Variants in ADGRV1 observed in about 807,000 individuals in gnomAD.
The protein encoded by ADGRV1 is G-protein coupled receptor 98.
A neutral mutation model predicts 596.2 loss-of-function variants in ADGRV1; 359 were observed. The observed-to-expected ratio is 0.60, with a 90% CI of 0.55 to 0.66. The LOEUF is 0.66. Ranked by LOEUF, ADGRV1 falls within the 30% of genes least tolerant of loss-of-function variation. The pLI, the probability that ADGRV1 is intolerant of heterozygous loss-of-function variation, is 0.00. For synonymous variants in ADGRV1, 2,681 were observed against 2,679.2 expected (o/e 1.00, Z -0.02); for missense variants, 7,274 against 7,575.6 (o/e 0.96, Z 1.48).
rs746817962 is a variant in ADGRV1 at position 90,725,599 on chromosome 5, A to G, written c.10104A>G (p.Ser3368=). The G allele has an allele frequency of 6.3e-7, 1 of 1,590,746 alleles. No individual in the cohort carries two copies. The highest frequency in any genetic ancestry group is 8.6e-7 in the Non-Finnish European group (1 of 1,159,286). The change falls in exon 48 of 90, where the codon TCA becomes TCG. Residue 3368 remains serine, a synonymous_variant. Coordinates refer to ENST00000405460, the MANE Select transcript of ADGRV1 (RefSeq NM_032119.4). The part of the protein sequence containing the change: ...LESSQVRYFT[S]DSQDYLIIAS... ...GTTCTCAAGTAAGATATTTTACTTC[A>G]GACAGCCAAGATTATTTAATCATTG...
chr5:90,916,078 A>AG (rs1280207773), intron 83 of ADGRV1, among the ~76,000 whole-genome samples: 1 of 152,086 alleles, frequency 6.6e-6, no homozygotes, highest in Non-Finnish European at 1.5e-5. Context: ...AGAGATAGGA[A>AG]GGAGGGGATA....
chr5:90,994,591 T>C (rs1206601315), intron 85 of ADGRV1, among the ~76,000 whole-genome samples: 1 of 152,248 alleles, frequency 6.6e-6, no homozygotes, highest in Admixed American at 6.5e-5. Flanking sequence ...TATTTTCTTG[T>C]GTATACATCA....
chr5:90,712,220 C>T (rs1279184350), intron 41 of ADGRV1, 67 bp from the exon 42 acceptor site: 3 of 894,426 alleles, frequency 3.4e-6, no homozygotes, highest in East Asian at 2.9e-5. Flanking sequence ...TATTTCTTTC[C>T]AAACATTCTA....
intron 83 of ADGRV1, among the ~76,000 whole-genome samples, chr5:90,932,352 A>G (rs1007775813): frequency 3.9e-5 from 6 of 152,134 alleles, no homozygotes; most frequent in African/African-American, 1.4e-4. Flanking sequence ...ACTTTCCCCA[A>G]TAAAAACCTG....
chr5:90,577,774 G>A (rs577894283), intron 1 of ADGRV1, among the ~76,000 whole-genome samples: 2 of 152,260 alleles, frequency 1.3e-5, no homozygotes, highest in East Asian at 3.9e-4. Context: ...CCATTAGTTT[G>A]TGTCCTCTTT....
At chr5:90,583,011 T>A (rs1283418677) in intron 1 of ADGRV1, among the ~76,000 whole-genome samples, 1 of 152,212 alleles carries the variant, frequency 6.6e-6, no homozygotes. Flanking sequence ...CTAAAACTTA[T>A]CTAGGATTTA....
In ADGRV1 at chr5:90,729,709, T is replaced by A; in HGVS notation, c.10494T>A (p.Ser3498=). The change falls in exon 50 of 90, where the codon TCT becomes TCA. Residue 3498 remains serine (S), a synonymous_variant. Transcript: ENST00000405460. ...MGQSSFRYFQ[S]VDFAAVNRIH... ...AGTCTTCCTTCAGGTATTTTCAGTCTGTAGATTTTGCTGCTGTTAACAGAA... is the reference window on the plus strand; with the variant it reads ...AGTCTTCCTTCAGGTATTTTCAGTCAGTAGATTTTGCTGCTGTTAACAGAA... 5 of 1,611,810 alleles carry A rather than the reference T, an allele frequency of 3.1e-6. No homozygotes were observed. Among genetic ancestry groups the A allele is most frequent in the Non-Finnish European group, 4.2e-6 (5 of 1,178,090 alleles).
At chr5:90,729,511 A>G in intron 49 of ADGRV1, 131 bp from the exon 50 acceptor site, 1 of 699,968 alleles carries the variant, frequency 1.4e-6, no homozygotes. Context: ...ATTAACTTGT[A>G]TTTTTATTGG....
intron 83 of ADGRV1, among the ~76,000 whole-genome samples, chr5:90,886,245 T>G (rs939432511): frequency 6.6e-6 from 1 of 152,152 alleles, no homozygotes; most frequent in Non-Finnish European, 1.5e-5. Context: ...CTGAAGATGG[T>G]TCAAAAAATT....
Position 90,662,588 on chromosome 5 carries a change from GT to G in ADGRV1, c.4752+4320del, listed in dbSNP as rs1303389608. ...TGGATTTGCACTGAGAATCCTGGTA[GT>G]TTTTTTTTTCTTTTTTTCTTTTTTT... On this transcript the variant is annotated intron_variant, in intron 21 of 89. Transcript: ENST00000405460. Among the ~76,000 whole-genome samples, 7 of 148,860 alleles carry G rather than the reference GT, an allele frequency of 4.7e-5. No individual in the cohort carries two copies. The South Asian group carries it at 6.4e-4, about 14-fold the overall frequency.
chr5:91,032,946 C>T (rs947700998), intron 85 of ADGRV1, among the ~76,000 whole-genome samples: 1 of 152,114 alleles, frequency 6.6e-6, no homozygotes, highest in Non-Finnish European at 1.5e-5. Flanking sequence ...AGACTTCAAG[C>T]GTCATTCGTT....
intron 85 of ADGRV1, among the ~76,000 whole-genome samples, chr5:91,017,537 C>A (rs1783274724): frequency 6.6e-6 from 1 of 151,836 alleles, no homozygotes; most frequent in Admixed American, 6.6e-5. Context: ...GGCAAAACAA[C>A]CAGTCAGAGC....
chr5:90,899,995 G>A (rs1771689256), intron 83 of ADGRV1, among the ~76,000 whole-genome samples: 2 of 152,090 alleles, frequency 1.3e-5, no homozygotes, highest in African/African-American at 2.4e-5. Flanking sequence ...TGTCTTAACC[G>A]ATCCGTCAGG....
chr5:90,579,968 A>T (rs1430726309), intron 1 of ADGRV1, among the ~76,000 whole-genome samples: 6 of 151,916 alleles, frequency 3.9e-5, no homozygotes, highest in Non-Finnish European at 8.8e-5. Flanking sequence ...TGCTTGGTAG[A>T]TCTTCCTCCG....
intron 83 of ADGRV1, among the ~76,000 whole-genome samples, chr5:90,890,543 A>G (rs1770711850): frequency 6.6e-6 from 1 of 152,202 alleles, no homozygotes; most frequent in African/African-American, 2.4e-5. Context: ...TGAGGTAGGC[A>G]TATTATGAAG....
chr5:90,929,920 A>G (rs1311757621), intron 83 of ADGRV1, among the ~76,000 whole-genome samples: 5 of 152,152 alleles, frequency 3.3e-5, no homozygotes, highest in Non-Finnish European at 5.9e-5. Flanking sequence ...TTTTTAAGAA[A>G]AGTTTCCATT....
chr5:90,735,831 A>G (rs946976558), intron 50 of ADGRV1, among the ~76,000 whole-genome samples: 3 of 152,106 alleles, frequency 2.0e-5, no homozygotes, highest in African/African-American at 4.8e-5. Flanking sequence ...TTTGTATCCT[A>G]CGACTTTACT....
At chr5:90,668,109 A>G (rs1275772926) in intron 21 of ADGRV1, among the ~76,000 whole-genome samples, 2 of 151,888 alleles carry the variant, frequency 1.3e-5, no homozygotes, top group African/African-American at 4.8e-5. Context: ...AGAGGCAGGC[A>G]GGCCTCCTTG....
chr5:90,961,782 A>AT (rs775904109), intron 83 of ADGRV1, among the ~76,000 whole-genome samples: 118 of 152,306 alleles, frequency 7.7e-4, no homozygotes, highest in Admixed American at 3.3e-3. Context: ...TTTATAAGTC[A>AT]TTTTAAAAAG....
Sources: gnomAD v4.1 joint callset for allele counts (sites outside exome capture counted in the v4.1 genomes callset) on GRCh38, gnomAD v4.1.1 for gene constraint, MANE v1.5 for transcripts, NCBI Gene and HGNC (gene_info 2026-07-23, HGNC 2026-07-21) for gene names.